Variants in VCAM1 observed in about 807,000 individuals in gnomAD.
VCAM1 encodes the protein vascular cell adhesion molecule 1.
Under a neutral mutation model 63.8 loss-of-function variants are expected in VCAM1, and 41 were observed. The observed-to-expected ratio is 0.64, with a 90% CI of 0.50 to 0.83. The LOEUF is 0.83. Ranked by LOEUF, VCAM1 falls within the 40% of genes least tolerant of loss-of-function variation. The probability of loss-of-function intolerance (pLI) is 0.00; values close to 1 mark genes in which losing one functional copy is unlikely to be tolerated. For synonymous variants in VCAM1, 338 were observed against 320.7 expected (o/e 1.05, Z -0.58); for missense variants, 798 against 875.5 (o/e 0.91, Z 1.12).
chr1:100,736,917 A>G (rs149206503), intron 8 of VCAM1: 6 of 152,284 alleles, frequency 3.9e-5, no homozygotes, highest in African/African-American at 1.2e-4. Flanking sequence ...TTCTGCCAGG[A>G]CTGAGACAAT....
At chr1:100,728,725 T>TAC (rs1660271396) in intron 4 of VCAM1, among the ~76,000 whole-genome samples, 1 of 150,130 alleles carries the variant, frequency 6.7e-6, no homozygotes, top group Non-Finnish European at 1.5e-5. Flanking sequence ...AATATATATA[T>TAC]ATATATATAT....
rs746791405 is a variant in VCAM1 at position 100,729,339 on chromosome 1, T to C, written c.1161T>C (p.Cys387=). ...NEHSYLCTVT[C]GHKKLEKGIQ... ...ACTCTTATCTGTGCACAGTGACTTG[T>C]GGACATAAGAAACTGGAAAAGGGAA... Residue 387 remains cysteine (C), a synonymous_variant, in exon 5 of 9, where the codon TGT becomes TGC. Transcript: ENST00000294728. The C allele has an allele frequency of 1.2e-6, 2 of 1,610,762 alleles. No individual in the cohort carries two copies. Among genetic ancestry groups the C allele is most frequent in the Non-Finnish European group, 1.7e-6 (2 of 1,178,332 alleles).
intron 2 of VCAM1, 130 bp from the exon 3 acceptor site, chr1:100,722,890 C>G: frequency 9.5e-7 from 1 of 1,047,706 alleles, no homozygotes; most frequent in Non-Finnish European, 1.3e-6. Context: ...AAAGGCTATT[C>G]AAACAGTTCT....
intron 4 of VCAM1, among the ~76,000 whole-genome samples, chr1:100,726,185 C>G (rs1660156482): frequency 6.6e-6 from 1 of 152,014 alleles, no homozygotes; most frequent in East Asian, 1.9e-4. Flanking sequence ...TTTCACTTAG[C>G]ATAGTGTCCT....
At chr1:100,720,383 C>G in intron 1 of VCAM1, 93 bp from the exon 2 acceptor site, 2 of 1,467,532 alleles carry the variant, frequency 1.4e-6, no homozygotes, top group Non-Finnish European at 1.8e-6. Flanking sequence ...AGAGATCAGT[C>G]TGATCATATT....
rs190280671 is a variant in VCAM1, at chr1:100,731,252, C to G, written c.1259C>G (p.Ser420Cys). ...AGTGGTGGCCTCGTGAATGGGAGCT[C>G]TGTCACTGTAAGCTGCAAGGTTCCT... ...EMSGGLVNGS[S>C]VTVSCKVPSV... Residue 420 changes from serine (S) to cysteine (C), a missense_variant, in exon 6 of 9, where the codon TCT becomes TGT. Ser to Cys is a moderately radical substitution (Grantham distance 112). Transcript: ENST00000294728. The surrounding 1 kb of genome is among the most constrained non-coding windows in gnomAD (Gnocchi z 4.2). 1.2e-6 allele frequency: 2 copies of G among 1,613,550 alleles called. No homozygotes were observed. The highest frequency in any genetic ancestry group is 1.3e-5 in the African/African-American group (1 of 74,986).
chr1:100,728,452 C>T (rs561890289), intron 4 of VCAM1, among the ~76,000 whole-genome samples: 148 of 152,012 alleles, frequency 9.7e-4, no homozygotes, highest in African/African-American at 3.5e-3. Flanking sequence ...CTCTTTTAGA[C>T]CATTTTATCA....
chr1:100,726,279 T>C (rs1231655357), intron 4 of VCAM1, among the ~76,000 whole-genome samples: 1 of 152,102 alleles, frequency 6.6e-6, no homozygotes, highest in Admixed American at 6.6e-5. Context: ...ATTTTATGGC[T>C]AATTATCTTT....
chr1:100,734,482 C>A lies in VCAM1; in HGVS notation c.1793-20C>A. The A allele has an allele frequency of 1.3e-6, 2 of 1,598,042 alleles. No homozygotes were observed. Among genetic ancestry groups the A allele is most frequent in the Non-Finnish European group, 1.7e-6 (2 of 1,173,816 alleles). Reference sequence around the variant, plus strand: ...TTATATTTCACTCAATCAGGGATGTCTTTTAAATTCTCTTTACAGTTACTC... The same window carrying A: ...TTATATTTCACTCAATCAGGGATGTATTTTAAATTCTCTTTACAGTTACTC... On this transcript the variant is annotated intron_variant, in intron 7 of 8. Coordinates refer to ENST00000294728, the MANE Select transcript of VCAM1 (RefSeq NM_001078.4).
intron 1 of VCAM1, 118 bp downstream of exon 1, chr1:100,720,042 A>G: frequency 9.0e-7 from 1 of 1,108,094 alleles, no homozygotes; most frequent in East Asian, 2.5e-5. Context: ...AAACAGTAGG[A>G]AAAGTTAATT....
rs1181554187 is a variant in VCAM1, at chr1:100,731,421, T to C, written c.1428T>C (p.Asp476=). The C allele has an allele frequency of 2.5e-6, 4 of 1,613,722 alleles. No individual in the cohort carries two copies. The highest frequency in any genetic ancestry group is 3.3e-5 in the Admixed American group (2 of 59,930). Reference sequence around the variant, plus strand: ...TGACCTTCATCCCTACCATTGAAGATACTGGAAAAGCTCTTGTTTGTCAGG... The same window carrying C: ...TGACCTTCATCCCTACCATTGAAGACACTGGAAAAGCTCTTGTTTGTCAGG... The part of the protein sequence containing the change: ...LEMTFIPTIE[D]TGKALVCQAK... The change falls in exon 6 of 9, where the codon GAT becomes GAC. Residue 476 remains aspartate, a synonymous_variant. Coordinates refer to ENST00000294728, the MANE Select transcript of VCAM1 (RefSeq NM_001078.4). This position sits in a 1 kb window ranked among gnomAD's most constrained non-coding sequence, Gnocchi z 4.2.
intron 4 of VCAM1, among the ~76,000 whole-genome samples, chr1:100,725,571 A>G (rs1660133852): frequency 1.3e-5 from 2 of 151,980 alleles, no homozygotes; most frequent in Admixed American, 6.6e-5. Flanking sequence ...TTTCCCAGGA[A>G]TTCTGTATTC....
At chr1:100,726,036 A>G (rs1388968379) in intron 4 of VCAM1, among the ~76,000 whole-genome samples, 1 of 151,916 alleles carries the variant, frequency 6.6e-6, no homozygotes, top group Non-Finnish European at 1.5e-5. Flanking sequence ...GTATCCATTG[A>G]CCAACATCTC....
intron 4 of VCAM1, 107 bp from the exon 5 acceptor site, chr1:100,729,000 T>C: frequency 7.8e-6 from 10 of 1,284,338 alleles, no homozygotes; most frequent in Non-Finnish European, 1.0e-5. Context: ...TTGGCATGGA[T>C]ATTAGCTGAA....
rs1158478029 is a variant in VCAM1, at chr1:100,724,700, T to C, written c.738T>C (p.Cys246=). ...AAGGTGGCTCTGTGACCATGACCTG[T>C]TCCAGCGAGGGTCTACCAGCTCCAG... ...LQEGGSVTMT[C]SSEGLPAPEI... is the part of the protein sequence containing the mutation. Residue 246 remains cysteine, a synonymous_variant, in exon 4 of 9, where the codon TGT becomes TGC. Transcript: ENST00000294728. The C allele has an allele frequency of 6.2e-7, 1 of 1,613,110 alleles. No homozygotes were observed. The highest frequency in any genetic ancestry group is 2.2e-5 in the East Asian group (1 of 44,826).
intron 8 of VCAM1, 70 bp from the exon 9 acceptor site, chr1:100,738,053 T>C: frequency 6.6e-7 from 1 of 1,512,822 alleles, no homozygotes; most frequent in Non-Finnish European, 9.0e-7. Context: ...ATAATAAACA[T>C]GTAACTGTTG....
At chr1:100,720,041 G>A in intron 1 of VCAM1, 117 bp downstream of exon 1, 1 of 1,116,150 alleles carries the variant, frequency 9.0e-7, no homozygotes, top group Middle Eastern at 2.2e-4. Context: ...TAAACAGTAG[G>A]AAAAGTTAAT....
In VCAM1 at chr1:100,720,638, C is replaced by T; in HGVS notation, c.227C>T (p.Thr76Ile). ...AATGGGAAGGTGACGAATGAGGGGA[C>T]CACATCTACGCTGACAATGAATCCT... Reference protein sequence around the residue: ...PLNGKVTNEGTTSTLTMNPVS... With the variant: ...PLNGKVTNEGITSTLTMNPVS... Residue 76 changes from threonine (T) to isoleucine (I), a missense_variant, in exon 2 of 9, where the codon ACC becomes ATC. Thr to Ile is a moderately conservative substitution (Grantham distance 89, BLOSUM62 -1). Transcript: ENST00000294728. The T allele has an allele frequency of 1.2e-6, 2 of 1,613,126 alleles. No individual in the cohort carries two copies. Among genetic ancestry groups the T allele is most frequent in the Non-Finnish European group, 1.7e-6 (2 of 1,179,506 alleles).
chr1:100,726,066 C>T (rs769035922), intron 4 of VCAM1, among the ~76,000 whole-genome samples: 10 of 152,108 alleles, frequency 6.6e-5, no homozygotes, highest in East Asian at 1.9e-4. Context: ...TTCCACTCCT[C>T]GCCCCAGCCT....
Sources: gnomAD v4.1 joint callset for allele counts (sites outside exome capture counted in the v4.1 genomes callset) on GRCh38, gnomAD v4.1.1 for gene constraint, Gnocchi (gnomAD v3.1) non-coding constraint, MANE v1.5 for transcripts, NCBI Gene and HGNC (gene_info 2026-07-23, HGNC 2026-07-21) for gene names.